Variants in UBAP1 observed in about 807,000 individuals in gnomAD.
UBAP1 encodes the protein ubiquitin-associated protein 1.
A neutral mutation model predicts 39.0 loss-of-function variants in UBAP1; 5 were observed. The ratio of observed to expected loss-of-function variants is 0.13; its 90% CI spans 0.07 to 0.27. The LOEUF is 0.27. Ranked by LOEUF, UBAP1 falls within the 10% of genes least tolerant of loss-of-function variation. The pLI, the probability that UBAP1 is intolerant of heterozygous loss-of-function variation, is 1.00. For synonymous variants in UBAP1, 211 were observed against 225.1 expected (o/e 0.94, Z 0.56); for missense variants, 490 against 608.1 (o/e 0.81, Z 2.04).
intron 1 of UBAP1, among the ~76,000 whole-genome samples, chr9:34,190,240 T>C (rs562706468): frequency 3.3e-5 from 5 of 152,204 alleles, no homozygotes; most frequent in Non-Finnish European, 7.3e-5. Context: ...TTTAATTGTT[T>C]ATGTCGTGTC....
chr9:34,249,764 T>C lies in UBAP1; in HGVS notation c.1084-15T>C, dbSNP rs1834372042. ...CCCAGGTCTTCTTGCCTTAATCTTC[T>C]TGTTTTTCCACTAGGTCACCCCTCC... On this transcript the variant is annotated splice_polypyrimidine_tract_variant and intron_variant, in intron 4 of 6. Transcript: ENST00000297661. The C allele has an allele frequency of 2.5e-6, 4 of 1,612,550 alleles. No homozygotes were observed. The highest frequency in any genetic ancestry group is 3.3e-5 in the Admixed American group (2 of 59,988).
chr9:34,207,797 A>G (rs1831798164), intron 1 of UBAP1, among the ~76,000 whole-genome samples: 1 of 151,960 alleles, frequency 6.6e-6, no homozygotes, highest in Non-Finnish European at 1.5e-5. Flanking sequence ...GTTTCAGAGT[A>G]TTAATTTGTT....
At chr9:34,217,497 A>G (rs1053573424) in intron 1 of UBAP1, among the ~76,000 whole-genome samples, 1 of 151,904 alleles carries the variant, frequency 6.6e-6, no homozygotes, top group Non-Finnish European at 1.5e-5. Flanking sequence ...CGGCTTCTCA[A>G]AGTTCTAAGA....
intron 1 of UBAP1, among the ~76,000 whole-genome samples, chr9:34,185,684 A>G (rs1830369565): frequency 6.6e-6 from 1 of 152,092 alleles, no homozygotes. Context: ...CGTCTCTACT[A>G]AAAAGACAAA....
At chr9:34,249,123 G>A (rs1834333810) in intron 4 of UBAP1, among the ~76,000 whole-genome samples, 1 of 152,146 alleles carries the variant, frequency 6.6e-6, no homozygotes, top group Non-Finnish European at 1.5e-5. Flanking sequence ...CCAGCCTGGT[G>A]TGGCTAGTAT....
chr9:34,184,060 G>A (rs540308385), intron 1 of UBAP1, among the ~76,000 whole-genome samples: 3 of 152,000 alleles, frequency 2.0e-5, no homozygotes, highest in Non-Finnish European at 2.9e-5. Context: ...GTGAGATAGC[G>A]CTCCCGGCCC....
At chr9:34,197,876 C>T (rs918033207) in intron 1 of UBAP1, among the ~76,000 whole-genome samples, 1 of 152,158 alleles carries the variant, frequency 6.6e-6, no homozygotes, top group Non-Finnish European at 1.5e-5. Flanking sequence ...ATCTTTTTGT[C>T]CTTGTGTTGG....
At chr9:34,248,649 T>C (rs1834303008) in intron 4 of UBAP1, among the ~76,000 whole-genome samples, 1 of 152,208 alleles carries the variant, frequency 6.6e-6, no homozygotes, top group Admixed American at 6.5e-5. Context: ...CTGCTGAGTG[T>C]GTGCTGTGGG....
chr9:34,249,887 A>G lies in UBAP1; in HGVS notation c.1192A>G (p.Thr398Ala), dbSNP rs1834380803. 2 of 1,612,372 alleles carry G rather than the reference A, an allele frequency of 1.2e-6. No individual in the cohort carries two copies. ...CCCCAGCGAGCGGCAGTGTGTGGAG[A>G]CGGTGGTCAACATGGGCTACTCGTA... ...LSPSERQCVE[T>A]VVNMGYSYEC... The change falls in exon 5 of 7, where the codon ACG becomes GCG. Residue 398 changes from threonine (T) to alanine (A), a missense_variant. Transcript: ENST00000297661.
intron 1 of UBAP1, among the ~76,000 whole-genome samples, chr9:34,189,172 C>T (rs1830577232): frequency 6.6e-6 from 1 of 150,786 alleles, no homozygotes; most frequent in South Asian, 2.1e-4. Context: ...TTTCTTTCTT[C>T]TAGTAGATCA....
intron 3 of UBAP1, among the ~76,000 whole-genome samples, chr9:34,234,638 G>GAT (rs150889409): frequency 4.8e-4 from 72 of 149,278 alleles, no homozygotes; most frequent in East Asian, 1.2e-3. Context: ...AAAAATGATA[G>GAT]ATATATATAT....
At chr9:34,240,682 T>A (rs1039348019) in intron 3 of UBAP1, among the ~76,000 whole-genome samples, 18 of 152,186 alleles carry the variant, frequency 1.2e-4, no homozygotes, top group South Asian at 1.0e-3. Flanking sequence ...AGATAGTGGT[T>A]TAAGAGCATA....
At chr9:34,224,190 A>T (rs1177002587) in intron 2 of UBAP1, 2 of 546,526 alleles carry the variant, frequency 3.7e-6, no homozygotes, top group Non-Finnish European at 6.5e-6. Context: ...TTTTTAGATC[A>T]TTTTTTGTTT....
rs6150983 is a variant in UBAP1 at position 34,231,127 on chromosome 9, ATGTGTGTGTGTGTGTGTGTGTG to A, written c.35-3061_35-3040del. Reference sequence around the variant, plus strand: ...GGGCAAATGTCTCTTTAAAAAAATTATGTGTGTGTGTGTGTGTGTGTGTGTGTGTGTGTGTGTGTGTGTGTGT... The same window carrying A: ...GGGCAAATGTCTCTTTAAAAAAATTATGTGTGTGTGTGTGTGTGTGTGTGT... On this transcript the variant is annotated intron_variant, in intron 2 of 6. Transcript: ENST00000297661. 8.8e-5 allele frequency among the ~76,000 whole-genome samples: 12 copies of A among 137,120 alleles called. No homozygotes were observed. In the East Asian group the frequency reaches 1.0e-3, roughly 12 times the overall value. 90.0% of individuals were successfully genotyped at this position (137,120 alleles called of 152,430 possible). A position where few individuals can be genotyped will look rare whatever the true frequency, so the allele number is the denominator to read the frequency against.
chr9:34,212,099 G>A (rs1832050366), intron 1 of UBAP1: 4 of 283,802 alleles, frequency 1.4e-5, no homozygotes, highest in South Asian at 9.1e-5. Flanking sequence ...TTTAATAGAA[G>A]CATATACTTA....
chr9:34,251,253 A>G, intron 6 of UBAP1, 139 bp from the exon 7 acceptor site: 1 of 916,094 alleles, frequency 1.1e-6, no homozygotes, highest in Non-Finnish European at 1.6e-6. Flanking sequence ...AGGGGACCTT[A>G]TGGAGACTCA....
At chr9:34,212,428 T>TACACACACAC (rs1491134084) in intron 1 of UBAP1, among the ~76,000 whole-genome samples, 3 of 60,172 alleles carry the variant, frequency 5.0e-5, no homozygotes, top group Admixed American at 3.6e-4. Flanking sequence ...CACACACACT[T>TACACACACAC]ATAGTTATTT....
At chr9:34,222,927 A>C (rs1376818192) in intron 2 of UBAP1, among the ~76,000 whole-genome samples, 1 of 152,234 alleles carries the variant, frequency 6.6e-6, no homozygotes, top group Non-Finnish European at 1.5e-5. Context: ...AGGGCAGAGG[A>C]AAAGCTTAGG....
chr9:34,226,636 G>T (rs1215317046), intron 2 of UBAP1, among the ~76,000 whole-genome samples: 1 of 152,182 alleles, frequency 6.6e-6, no homozygotes, highest in Non-Finnish European at 1.5e-5. Flanking sequence ...TTAAGCCTGG[G>T]AGTTCAAGGT....
Sources: allele counts gnomAD v4.1 joint callset (sites outside exome capture counted in the v4.1 genomes callset), GRCh38; gene constraint gnomAD v4.1.1; transcripts MANE v1.5; gene names NCBI Gene and HGNC (gene_info 2026-07-23, HGNC 2026-07-21).